The following CDH13 variants were observed in gnomAD, a reference collection of about 807,000 sequenced individuals.
CDH13 encodes the protein cadherin-13.
In CDH13, 24 loss-of-function variants were observed where a neutral mutation model predicts 63.8. The observed-to-expected ratio is 0.38, with a 90% CI of 0.27 to 0.53. CDH13 has a LOEUF of 0.53. CDH13 is among the 20% of genes least tolerant of loss of function. The pLI, the probability that CDH13 is intolerant of heterozygous loss-of-function variation, is 0.85. For synonymous variants in CDH13, 503 were observed against 355.3 expected (o/e 1.42, Z -4.67); for missense variants, 1,049 against 903.1 (o/e 1.16, Z -2.07).
chr16:83,413,262 G>A (rs965369139), intron 6 of CDH13, among the ~76,000 whole-genome samples: 1 of 152,032 alleles, frequency 6.6e-6, no homozygotes, highest in Non-Finnish European at 1.5e-5. Flanking sequence ...CCATCTACAG[G>A]TCTCCCATAA....
At chr16:83,316,461 C>A (rs573305560) in intron 5 of CDH13, among the ~76,000 whole-genome samples, 1 of 152,162 alleles carries the variant, frequency 6.6e-6, no homozygotes, top group African/African-American at 2.4e-5. Context: ...TCAGTGCTAC[C>A]GCTAGAGCTG....
At chr16:83,227,690 G>A (rs906182706) in intron 5 of CDH13, among the ~76,000 whole-genome samples, 2 of 152,108 alleles carry the variant, frequency 1.3e-5, no homozygotes, top group African/African-American at 4.8e-5. Flanking sequence ...ATGCTTTTTG[G>A]CCAGCTGAGT....
At chr16:83,659,437 A>G (rs954808707) in intron 8 of CDH13, among the ~76,000 whole-genome samples, 18 of 152,252 alleles carry the variant, frequency 1.2e-4, no homozygotes, top group Non-Finnish European at 2.1e-4. Flanking sequence ...TCCCAACACA[A>G]GTTAGAATGT....
chr16:82,628,370 G>T (rs145631009), intron 1 of CDH13, among the ~76,000 whole-genome samples: 1 of 152,294 alleles, frequency 6.6e-6, no homozygotes, highest in Non-Finnish European at 1.5e-5. Context: ...GAGAGTTTGC[G>T]GGTGAAAGGC....
chr16:83,758,527 C>G (rs1057323859), intron 11 of CDH13, among the ~76,000 whole-genome samples: 25 of 151,884 alleles, frequency 1.6e-4, no homozygotes, highest in South Asian at 4.1e-4. Flanking sequence ...ATAGTAAAAA[C>G]TTTTTTTGTG....
chr16:83,060,985 C>G (rs148156851), intron 3 of CDH13, among the ~76,000 whole-genome samples: 67 of 152,334 alleles, frequency 4.4e-4, no homozygotes, highest in African/African-American at 1.6e-3. Flanking sequence ...CACTCCTACA[C>G]TCCTGCAGAG....
At chr16:83,475,462 C>T (rs1269907474) in intron 6 of CDH13, among the ~76,000 whole-genome samples, 1 of 152,212 alleles carries the variant, frequency 6.6e-6, no homozygotes, top group Non-Finnish European at 1.5e-5. Flanking sequence ...TTGAAGTGAA[C>T]CCCCAAAGTG....
intron 1 of CDH13, among the ~76,000 whole-genome samples, chr16:82,846,991 G>T (rs1052134301): frequency 6.6e-5 from 10 of 152,160 alleles, no homozygotes; most frequent in African/African-American, 2.4e-4. Flanking sequence ...TCCTGACTCT[G>T]ACAGCCTTGT....
chr16:83,025,480 CCAT>C (rs1441460298), intron 2 of CDH13, among the ~76,000 whole-genome samples: 1 of 152,092 alleles, frequency 6.6e-6, no homozygotes, highest in African/African-American at 2.4e-5. Flanking sequence ...GGAAGAATGC[CCAT>C]CAGATCTCGC....
intron 7 of CDH13, among the ~76,000 whole-genome samples, chr16:83,557,038 C>A (rs780002758): frequency 1.3e-5 from 2 of 152,212 alleles, no homozygotes; most frequent in Non-Finnish European, 2.9e-5. Context: ...GCGAACGAAG[C>A]TTCATCTGTG....
In CDH13 at chr16:83,780,062, CTG is replaced by C; in HGVS notation, c.1779_1780del (p.Cys593Ter). On this transcript the variant is annotated frameshift_variant, in exon 12 of 14. Transcript: ENST00000567109. LOFTEE classifies it high-confidence loss of function. Reference protein sequence around the residue: ...PFIYPTVAEVCDDAKNLSVVI... With the variant: ...PFIYPTVAEVXDDAKNLSVVI... ...TCATTTACCCCACAGTAGCTGAAGT[CTG>C]TGATGATGCCAAAAACCTCAGTGTA... is the stretch of plus-strand genomic sequence containing the variant. The C allele has an allele frequency of 6.2e-7, 1 of 1,613,924 alleles. No homozygotes were observed. The highest frequency in any genetic ancestry group is 8.5e-7 in the Non-Finnish European group (1 of 1,179,866).
At chr16:83,406,269 T>G (rs1438664059) in intron 6 of CDH13, among the ~76,000 whole-genome samples, 7 of 152,106 alleles carry the variant, frequency 4.6e-5, no homozygotes, top group Admixed American at 6.5e-5. Flanking sequence ...AAGAAATAGT[T>G]TTCTCCTTCC....
Position 83,172,130 on chromosome 16 carries a change from A to G in CDH13, c.484-45215A>G, listed in dbSNP as rs1013734980. Among the ~76,000 whole-genome samples the G allele has an allele frequency of 2.6e-4, 39 of 151,734 alleles. 1 individual carries two copies. The highest frequency in any genetic ancestry group is 3.4e-3 in the Middle Eastern group (1 of 292). On this transcript the variant is annotated intron_variant, in intron 4 of 13. Transcript: ENST00000567109. Reference sequence around the variant, plus strand: ...TCATTTGAGTAGACCCTAGTATAATATGACTGATGCCTATAAAAAGAGAAA... The same window carrying G: ...TCATTTGAGTAGACCCTAGTATAATGTGACTGATGCCTATAAAAAGAGAAA...
chr16:83,454,153 A>C (rs2072959509), intron 6 of CDH13, among the ~76,000 whole-genome samples: 1 of 152,250 alleles, frequency 6.6e-6, no homozygotes, highest in Non-Finnish European at 1.5e-5. Context: ...GCAAGTATGC[A>C]AAACAGGTAT....
Position 83,492,126 on chromosome 16 carries a change from C to T in CDH13, c.960+5471C>T, listed in dbSNP as rs576648608. Among the ~76,000 whole-genome samples the T allele has an allele frequency of 7.9e-5, 12 of 152,158 alleles. No individual in the cohort carries two copies. In the South Asian group the frequency reaches 1.5e-3, roughly 18 times the overall value. ...AATGACCCATGTTAAAATATTGTCACGTAGCATGCATCTCCAGAAACATAC... is the reference window on the plus strand; with the variant it reads ...AATGACCCATGTTAAAATATTGTCATGTAGCATGCATCTCCAGAAACATAC... On this transcript the variant is annotated intron_variant, in intron 7 of 13. Coordinates refer to ENST00000567109, the MANE Select transcript of CDH13 (RefSeq NM_001257.5).
intron 3 of CDH13, among the ~76,000 whole-genome samples, chr16:83,049,486 C>G (rs1388665495): frequency 6.6e-6 from 1 of 151,932 alleles, no homozygotes; most frequent in Non-Finnish European, 1.5e-5. Context: ...AGGTGCCCAC[C>G]ACCACACCCA....
intron 5 of CDH13, among the ~76,000 whole-genome samples, chr16:83,327,044 G>A (rs1404276018): frequency 6.6e-6 from 1 of 152,240 alleles, no homozygotes; most frequent in African/African-American, 2.4e-5. Context: ...TGTAAGAATG[G>A]CAGAGGGATT....
chr16:83,200,324 C>T lies in CDH13; in HGVS notation c.484-17021C>T, dbSNP rs1597504084. Among the ~76,000 whole-genome samples the T allele has an allele frequency of 2.0e-5, 3 of 152,128 alleles. No individual in the cohort carries two copies. The South Asian group carries it at 6.2e-4, about 32-fold the overall frequency. ...AATCTGTCCATTCCATAGCTTGCAT[C>T]GATTGGCTTTTCTGAAAGTTAAGAC... On this transcript the variant is annotated intron_variant, in intron 4 of 13. Transcript: ENST00000567109.
intron 7 of CDH13, among the ~76,000 whole-genome samples, chr16:83,560,899 G>GCAC (rs1555573400): frequency 0.061 from 8,995 of 148,516 alleles, 347 homozygotes; most frequent in South Asian, 0.13. Flanking sequence ...CATAAGGTTG[G>GCAC]CCCCCCCCCC....
Sources: allele counts gnomAD v4.1 joint callset (sites outside exome capture counted in the v4.1 genomes callset), GRCh38; gene constraint gnomAD v4.1.1; transcripts MANE v1.5; gene names NCBI Gene and HGNC (gene_info 2026-07-23, HGNC 2026-07-21).